The following ST3GAL3 variants were observed in gnomAD, a reference collection of about 807,000 sequenced individuals.
ST3GAL3 encodes CMP-N-acetylneuraminate-beta-1,4-galactoside alpha-2,3-sialyltransferase.
Under a neutral mutation model 50.1 loss-of-function variants are expected in ST3GAL3, and 21 were observed. That is an observed-to-expected ratio of 0.42 (90% CI 0.30 to 0.60). The LOEUF (loss-of-function observed/expected upper bound fraction) is 0.60, where lower values mean the gene tolerates loss of function less well. ST3GAL3 is among the 20% of genes least tolerant of loss of function. The pLI is 0.19. For missense variants in ST3GAL3, 353 were observed against 489.4 expected, an observed-to-expected ratio of 0.72 and a Z score of 2.63; for synonymous variants, 183 against 190.0, an observed-to-expected ratio of 0.96 and a Z score of 0.30.
intron 3 of ST3GAL3, among the ~76,000 whole-genome samples, chr1:43,795,943 A>G (rs2058641762): frequency 6.6e-6 from 1 of 152,176 alleles, no homozygotes; most frequent in Non-Finnish European, 1.5e-5. Context: ...AATGGACACC[A>G]AGGCACAAAC....
intron 9 of ST3GAL3, among the ~76,000 whole-genome samples, chr1:43,910,032 A>G (rs903446129): frequency 3.9e-5 from 6 of 152,230 alleles, no homozygotes; most frequent in African/African-American, 1.4e-4. Flanking sequence ...GGTCGGAGTA[A>G]ACAAATAGGG....
At chr1:43,811,853 TG>T (rs2060599801) in intron 3 of ST3GAL3, among the ~76,000 whole-genome samples, 1 of 152,112 alleles carries the variant, frequency 6.6e-6, no homozygotes, top group African/African-American at 2.4e-5. Context: ...AGACGTTTTT[TG>T]AAATCCTCTT....
chr1:43,823,925 T>G (rs1253881445), intron 4 of ST3GAL3, among the ~76,000 whole-genome samples: 3 of 152,228 alleles, frequency 2.0e-5, no homozygotes. Context: ...GCTCCAAACT[T>G]TTTTACTTTT....
At chr1:43,809,130 C>T (rs1036455525) in intron 3 of ST3GAL3, among the ~76,000 whole-genome samples, 11 of 151,792 alleles carry the variant, frequency 7.2e-5, no homozygotes, top group South Asian at 2.1e-4. Flanking sequence ...GAAAATACAA[C>T]CTATAAAGAG....
chr1:43,875,507 C>T (rs932247480), intron 5 of ST3GAL3, among the ~76,000 whole-genome samples: 1 of 152,110 alleles, frequency 6.6e-6, no homozygotes, highest in Admixed American at 6.5e-5. Context: ...TTGTAATCCC[C>T]ATAAACCCCA....
intron 9 of ST3GAL3, among the ~76,000 whole-genome samples, chr1:43,901,064 GAC>G (rs2078198902): frequency 1.3e-5 from 2 of 152,258 alleles, no homozygotes; most frequent in South Asian, 4.1e-4. Flanking sequence ...TGGGGACTGA[GAC>G]ACTAGTGTTT....
At position 43,736,285 on chromosome 1, in the gene ST3GAL3, G is replaced by T. The variant is rs900948973; in HGVS notation, c.23G>T (p.Arg8Leu). The change falls in exon 2 of 12, where the codon CGC (arginine) becomes CTC (leucine). Residue 8 changes from arginine (R) to leucine (L), a missense_variant. Physicochemically the swap from Arg to Leu is moderately radical, Grantham distance 102. Transcript: ENST00000347631. ...AAGATGGGACTCTTGGTATTTGTGC[G>T]CAATCTGCTGCTAGCCCTCTGCCTC... MGLLVFV[R>L]NLLLALCLFL... The T allele has an allele frequency of 6.2e-7, 1 of 1,614,130 alleles. No individual in the cohort carries two copies. The highest frequency in any genetic ancestry group is 1.7e-5 in the Admixed American group (1 of 60,014).
chr1:43,817,576 C>CTTCTTCCTTCTT (rs879844805), intron 4 of ST3GAL3, among the ~76,000 whole-genome samples: 4 of 116,156 alleles, frequency 3.4e-5, no homozygotes, highest in African/African-American at 1.1e-4. Context: ...TTCTTCTTCT[C>CTTCTTCCTTCTT]CTTCTCCTCC....
At chr1:43,898,397 C>A in intron 7 of ST3GAL3, 99 bp downstream of exon 7, 1 of 1,226,840 alleles carries the variant, frequency 8.2e-7, no homozygotes, top group Non-Finnish European at 1.2e-6. Flanking sequence ...GCAGTTTCTC[C>A]AGCACATCCA....
rs146709215 is a variant in ST3GAL3, at chr1:43,708,814, C to T, written c.-31+1121C>T. On this transcript the variant is annotated intron_variant, in intron 1 of 11. Coordinates refer to ENST00000347631, the MANE Select transcript of ST3GAL3 (RefSeq NM_006279.5). The stretch of plus-strand genomic sequence containing the variant: ...AATGTTAACGATGAAACAAGACATT[C>T]ATGTTCTCAGAGACTAACAGACTTT... Among the ~76,000 whole-genome samples, 136 of 152,306 alleles carry T rather than the reference C, an allele frequency of 8.9e-4. 1 individual carries two copies. Among genetic ancestry groups the T allele is most frequent in the Non-Finnish European group, 1.6e-3 (109 of 68,030 alleles).
intron 5 of ST3GAL3, among the ~76,000 whole-genome samples, chr1:43,862,868 A>G (rs1234829646): frequency 1.3e-5 from 2 of 152,072 alleles, no homozygotes; most frequent in African/African-American, 2.4e-5. Flanking sequence ...ATGAGCTGTG[A>G]TCATGCTACT....
At chr1:43,929,642 G>T (rs2084704301) in intron 11 of ST3GAL3, among the ~76,000 whole-genome samples, 1 of 152,176 alleles carries the variant, frequency 6.6e-6, no homozygotes, top group Non-Finnish European at 1.5e-5. Context: ...CTCTCCGCAG[G>T]CCCCATAGCT....
chr1:43,867,621 A>G (rs200755617), intron 5 of ST3GAL3, among the ~76,000 whole-genome samples: 16 of 152,060 alleles, frequency 1.1e-4, no homozygotes, highest in African/African-American at 3.9e-4. Context: ...GCAGCTTGTA[A>G]ACAAATCTAC....
intron 3 of ST3GAL3, among the ~76,000 whole-genome samples, chr1:43,800,658 C>T (rs559820850): frequency 3.9e-5 from 6 of 152,184 alleles, no homozygotes; most frequent in Non-Finnish European, 7.3e-5. Flanking sequence ...CATATCTCCC[C>T]TGTCTAAACC....
intron 3 of ST3GAL3, among the ~76,000 whole-genome samples, chr1:43,804,607 G>A (rs1396275938): frequency 6.6e-6 from 1 of 152,082 alleles, no homozygotes; most frequent in Non-Finnish European, 1.5e-5. Context: ...TGGCAAACTG[G>A]GAGTTCTTAA....
chr1:43,804,812 G>A (rs747217574), intron 3 of ST3GAL3, among the ~76,000 whole-genome samples: 40 of 152,180 alleles, frequency 2.6e-4, no homozygotes, highest in Non-Finnish European at 4.1e-4. Context: ...GATGGCAGGC[G>A]AGGGAGAAGG....
At chr1:43,732,202 T>C (rs1203822044) in intron 1 of ST3GAL3, among the ~76,000 whole-genome samples, 1 of 152,218 alleles carries the variant, frequency 6.6e-6, no homozygotes, top group African/African-American at 2.4e-5. Context: ...TCACCTTCGT[T>C]TCTTCTGTGT....
chr1:43,770,426 C>T (rs766766350), intron 2 of ST3GAL3, among the ~76,000 whole-genome samples: 17 of 152,066 alleles, frequency 1.1e-4, no homozygotes, highest in Non-Finnish European at 2.5e-4. Flanking sequence ...CTCATTATGA[C>T]TTGTTGAGAT....
intron 5 of ST3GAL3, among the ~76,000 whole-genome samples, chr1:43,875,897 C>T (rs2073959577): frequency 7.5e-6 from 1 of 134,026 alleles, no homozygotes; most frequent in Non-Finnish European, 1.5e-5. Flanking sequence ...TTTAGAATTT[C>T]TCTTCTTCTT....
Sources: allele counts gnomAD v4.1 joint callset (sites outside exome capture counted in the v4.1 genomes callset), GRCh38; gene constraint gnomAD v4.1.1; transcripts MANE v1.5; gene names NCBI Gene and HGNC (gene_info 2026-07-23, HGNC 2026-07-21).